Variants in PATJ observed in about 807,000 individuals in gnomAD.
The protein encoded by PATJ is PATJ crumbs cell polarity complex component, also known as inaD-like protein.
In PATJ, 190 loss-of-function variants were observed where a neutral mutation model predicts 224.9. The ratio of observed to expected loss-of-function variants is 0.84; its 90% CI spans 0.75 to 0.95. PATJ has a LOEUF of 0.95. Among genes scored for constraint, PATJ ranks in the 40% least tolerant of loss-of-function variants. The pLI, the probability that PATJ is intolerant of heterozygous loss-of-function variation, is 0.00. For missense variants in PATJ, 2,121 were observed against 2,270.3 expected, an observed-to-expected ratio of 0.93 and a Z score of 1.34; for synonymous variants, 769 against 820.3, an observed-to-expected ratio of 0.94 and a Z score of 1.07.
At chr1:61,762,471 G>A (rs984220643) in intron 1 of PATJ, among the ~76,000 whole-genome samples, 4 of 152,216 alleles carry the variant, frequency 2.6e-5, no homozygotes, top group Non-Finnish European at 2.9e-5. Flanking sequence ...AAACTTTCAT[G>A]TGCAGGCGTT....
intron 28 of PATJ, chr1:62,013,528 A>G: frequency 1.0e-6 from 1 of 984,582 alleles, no homozygotes; most frequent in Non-Finnish European, 1.2e-6. Context: ...CACTCAGTTC[A>G]GTAGGTGTTG....
intron 20 of PATJ, among the ~76,000 whole-genome samples, chr1:61,873,351 G>T (rs916642355): frequency 2.0e-5 from 3 of 151,860 alleles, no homozygotes; most frequent in African/African-American, 7.3e-5. Flanking sequence ...TAATTTTTTT[G>T]TAGAGATGGG....
intron 27 of PATJ, among the ~76,000 whole-genome samples, chr1:61,967,657 A>C (rs1261918653): frequency 6.6e-6 from 1 of 152,252 alleles, no homozygotes; most frequent in African/African-American, 2.4e-5. Flanking sequence ...TTGCAGTATT[A>C]AATGAGATGA....
intron 31 of PATJ, among the ~76,000 whole-genome samples, chr1:62,075,676 T>C (rs1313369289): frequency 6.6e-6 from 1 of 152,078 alleles, no homozygotes; most frequent in East Asian, 1.9e-4. Context: ...CCCAGCACTT[T>C]GGGAGGCCGA....
At chr1:62,040,210 G>A (rs1476347089) in intron 30 of PATJ, among the ~76,000 whole-genome samples, 1 of 151,446 alleles carries the variant, frequency 6.6e-6, no homozygotes, top group Non-Finnish European at 1.5e-5. Flanking sequence ...TCGGGTTCAA[G>A]CGATTCTTCT....
chr1:61,796,740 CTTT>C (rs143698836), intron 10 of PATJ, among the ~76,000 whole-genome samples: 1 of 50,324 alleles, frequency 2.0e-5, no homozygotes, highest in African/African-American at 5.8e-5. Context: ...TTCTTTCTTT[CTTT>C]TTTTTCTTCC....
intron 27 of PATJ, among the ~76,000 whole-genome samples, chr1:61,963,716 G>T (rs1374546891): frequency 6.6e-6 from 1 of 152,180 alleles, no homozygotes; most frequent in African/African-American, 2.4e-5. Flanking sequence ...GGAGGAGGAA[G>T]AGGCAGGGTT....
intron 33 of PATJ, among the ~76,000 whole-genome samples, chr1:62,103,669 A>G (rs1274155030): frequency 2.6e-5 from 4 of 151,522 alleles, no homozygotes; most frequent in Non-Finnish European, 4.4e-5. Context: ...CAGAAGAATC[A>G]CTTGAATCTG....
At chr1:62,067,837 A>G (rs540010513) in intron 31 of PATJ, among the ~76,000 whole-genome samples, 5 of 152,236 alleles carry the variant, frequency 3.3e-5, no homozygotes, top group East Asian at 3.9e-4. Context: ...GTCTCACTCT[A>G]TAACCCCAGC....
rs1425137520 is a variant in PATJ, at chr1:62,106,097, C to T, written c.4378-2340C>T. ...ATATATATACACACACACACACACACACACACACACACACACACACACAAA... is the reference window on the plus strand; with the variant it reads ...ATATATATACACACACACACACACATACACACACACACACACACACACAAA... On this transcript the variant is annotated intron_variant, in intron 33 of 43. Transcript: ENST00000642238. Among the ~76,000 whole-genome samples the T allele has an allele frequency of 1.2e-3, 93 of 75,936 alleles. 3 individuals carry two copies. In the East Asian group the frequency reaches 0.049, roughly 40 times the overall value. The allele number at this position is 75,936 out of a possible 152,430, so 49.8% of individuals were successfully genotyped here.
rs1664641813 is a variant in PATJ, at chr1:61,861,684, T to C, written c.2439+17T>C. ...GCACCCAAGGTATTTAATAAATTTA[T>C]TTCCCATTTGAATGATTTGCTATGA... On this transcript the variant is annotated intron_variant, in intron 19 of 43. Transcript: ENST00000642238. The C allele has an allele frequency of 1.8e-6, 2 of 1,125,372 alleles. No homozygotes were observed. The highest frequency in any genetic ancestry group is 2.1e-4 in the Middle Eastern group (1 of 4,748). The allele number at this position is 1,125,372 out of a possible 1,614,324, so 69.7% of individuals were successfully genotyped here. A position where few individuals can be genotyped will look rare whatever the true frequency, so the allele number is the denominator to read the frequency against.
At chr1:61,876,012 T>A (rs1287262478) in intron 21 of PATJ, among the ~76,000 whole-genome samples, 2 of 152,166 alleles carry the variant, frequency 1.3e-5, no homozygotes, top group African/African-American at 4.8e-5. Flanking sequence ...GCACTGGGAT[T>A]TATAGAGCCA....
At chr1:61,949,134 G>A (rs1396335759) in intron 27 of PATJ, among the ~76,000 whole-genome samples, 1 of 151,692 alleles carries the variant, frequency 6.6e-6, no homozygotes, top group South Asian at 2.1e-4. Context: ...GTTAACGGGT[G>A]CAGCACAACA....
chr1:61,823,371 T>C (rs773168960), intron 15 of PATJ, among the ~76,000 whole-genome samples: 5 of 152,236 alleles, frequency 3.3e-5, no homozygotes, highest in Admixed American at 6.5e-5. Context: ...CCCTGAGCCT[T>C]GTTGCAACAT....
chr1:61,870,501 C>G (rs1267190126), intron 20 of PATJ, among the ~76,000 whole-genome samples: 1 of 152,062 alleles, frequency 6.6e-6, no homozygotes, highest in African/African-American at 2.4e-5. Context: ...TGGTTTTAGG[C>G]TTGAGGGTGG....
At chr1:62,017,463 C>A (rs561588396) in intron 28 of PATJ, among the ~76,000 whole-genome samples, 1 of 151,056 alleles carries the variant, frequency 6.6e-6, no homozygotes, top group South Asian at 2.1e-4. Context: ...GTGGCTCACA[C>A]CTGTAGTCCC....
intron 25 of PATJ, among the ~76,000 whole-genome samples, chr1:61,910,564 T>TTTTTTA (rs1672482109): frequency 7.0e-6 from 1 of 141,884 alleles, no homozygotes; most frequent in South Asian, 2.3e-4. Flanking sequence ...TTTTTTTTTT[T>TTTTTTA]GGAGACAGGG....
intron 33 of PATJ, among the ~76,000 whole-genome samples, chr1:62,099,348 T>A (rs1334859012): frequency 1.3e-4 from 4 of 30,844 alleles, no homozygotes; most frequent in Non-Finnish European, 4.2e-4. Flanking sequence ...TATCTCCAAC[T>A]TTTTTTTTTT....
intron 17 of PATJ, among the ~76,000 whole-genome samples, chr1:61,841,248 G>C (rs767960626): frequency 6.6e-6 from 1 of 152,002 alleles, no homozygotes; most frequent in Admixed American, 6.6e-5. Context: ...GGTGGGGTTG[G>C]GGGGAGGGCA....
Sources: gnomAD v4.1 joint callset for allele counts (sites outside exome capture counted in the v4.1 genomes callset) on GRCh38, gnomAD v4.1.1 for gene constraint, MANE v1.5 for transcripts, NCBI Gene and HGNC (gene_info 2026-07-23, HGNC 2026-07-21) for gene names.